COL6A3: variants seen among roughly 807,000 people sequenced by gnomAD.
COL6A3 encodes the protein collagen alpha-3(VI) chain.
A neutral mutation model predicts 274.1 loss-of-function variants in COL6A3; 137 were observed. The ratio of observed to expected loss-of-function variants is 0.50; its 90% confidence interval spans 0.44 to 0.58. The LOEUF is 0.58. COL6A3 is among the 20% of genes least tolerant of loss of function. The probability of loss-of-function intolerance (pLI) is 0.00; values close to 1 mark genes in which losing one functional copy is unlikely to be tolerated. For synonymous variants in COL6A3, 1,650 were observed against 1,650.6 expected (o/e 1.00, Z 0.01); for missense variants, 3,950 against 4,124.9 (o/e 0.96, Z 1.16).
chr2:237,339,072 TCA>T lies in COL6A3; in HGVS notation c.8508_8509del (p.Cys2836Ter), dbSNP rs1559197977. On this transcript the variant is annotated stop_gained and frameshift_variant, in exon 39 of 44. Coordinates refer to ENST00000295550, the MANE Select transcript of COL6A3 (RefSeq NM_004369.4). LOFTEE classifies it high-confidence loss of function. ...TGTGGGTTGGTCCCCTTGGAACCAA[TCA>T]CACTGTTTCCTGATATCTGGGGACA... 1 of 1,614,120 alleles carries T rather than the reference TCA, an allele frequency of 6.2e-7. No individual in the cohort carries two copies. Among genetic ancestry groups the T allele is most frequent in the Admixed American group, 1.7e-5 (1 of 60,020 alleles).
chr2:237,363,113 TG>T, intron 14 of COL6A3, 139 bp downstream of exon 14: 1 of 878,686 alleles, frequency 1.1e-6, no homozygotes, highest in Non-Finnish European at 1.9e-6. Flanking sequence ...AGTTCCCAAG[TG>T]AATTAAATAA....
intron 36 of COL6A3, chr2:237,342,625 T>A (rs2077011308): frequency 6.0e-6 from 1 of 166,394 alleles, no homozygotes. Context: ...GAGTCCTGTC[T>A]ATCGCCGTAC....
At chr2:237,351,000 C>T (rs1223695273) in intron 27 of COL6A3, 130 bp downstream of exon 27, 47 of 854,462 alleles carry the variant, frequency 5.5e-5, no homozygotes, top group Non-Finnish European at 3.6e-5. Flanking sequence ...CCGCGATCAA[C>T]AGGGGAGGCT....
intron 1 of COL6A3, among the ~76,000 whole-genome samples, chr2:237,406,895 TTTC>T (rs1312920434): frequency 6.6e-6 from 1 of 151,262 alleles, no homozygotes; most frequent in East Asian, 1.9e-4. Context: ...TTCACATTTC[TTTC>T]TTTTTTCCCT....
In COL6A3 at chr2:237,371,868, C is replaced by T. The variant is rs1280728320; in HGVS notation, c.4149G>A (p.Leu1383=). The stretch of plus-strand genomic sequence containing the variant: ...TCACCGAGAACACATATTCGGGGCT[C>T]AGCGAGATCTTCACCAGCTCCTCCT... ...ADQEELVKIS[L]SPEYVFSVST... The change falls in exon 9 of 44, where the codon CTG becomes CTA. Residue 1383 remains leucine (L), a synonymous_variant. Transcript: ENST00000295550. This position sits in a 1 kb window ranked among gnomAD's most constrained non-coding sequence, Gnocchi z 4.3. 1.2e-6 allele frequency: 2 copies of T among 1,613,480 alleles called. No homozygotes were observed. Among genetic ancestry groups the T allele is most frequent in the African/African-American group, 2.7e-5 (2 of 74,852 alleles).
chr2:237,362,090 C>G (rs964346484), intron 14 of COL6A3, among the ~76,000 whole-genome samples: 1 of 152,196 alleles, frequency 6.6e-6, no homozygotes, highest in Non-Finnish European at 1.5e-5. Flanking sequence ...TAAAATAGAT[C>G]TTATCCACAA....
At chr2:237,396,983 C>T in intron 1 of COL6A3, 136 bp from the exon 2 acceptor site, 1 of 655,192 alleles carries the variant, frequency 1.5e-6, no homozygotes, top group Non-Finnish European at 2.7e-6. Context: ...TTTGAACCAG[C>T]AGCAAAAGGA....
At chr2:237,333,666 G>T in intron 41 of COL6A3, 118 bp from the exon 42 acceptor site, 2 of 854,624 alleles carry the variant, frequency 2.3e-6, no homozygotes, top group East Asian at 2.6e-5. Context: ...GGGGAGTGGT[G>T]ATTGAAAGAC....
In COL6A3 at chr2:237,324,024, T is replaced by A. The variant is rs1297632628; in HGVS notation, c.*750A>T. 6.6e-6 allele frequency: 1 copy of A among 152,530 alleles called. No individual in the cohort carries two copies. Among genetic ancestry groups the A allele is most frequent in the African/African-American group, 2.4e-5 (1 of 41,406 alleles). The allele number at this position is 152,530 out of a possible 1,614,324, so 9.4% of individuals were successfully genotyped here. On this transcript the variant is annotated 3_prime_UTR_variant, in exon 44 of 44. Transcript: ENST00000295550. ...CAAGAACGTCACACCCAGGAAACTT[T>A]CAATATACTTTATTAAAAAGTTTCT...
chr2:237,351,339 C>G (rs112307296), intron 26 of COL6A3, 147 bp from the exon 27 acceptor site: 1 of 743,012 alleles, frequency 1.3e-6, no homozygotes, highest in Non-Finnish European at 2.4e-6. Flanking sequence ...GCACTCAGCT[C>G]TGAGCACGGG....
At chr2:237,377,645 C>T (rs2077884520) in intron 6 of COL6A3, among the ~76,000 whole-genome samples, 1 of 152,102 alleles carries the variant, frequency 6.6e-6, no homozygotes, top group East Asian at 1.9e-4. Context: ...AGGTGGCAAT[C>T]GCTCCAGGAA....
Position 237,344,110 on chromosome 2 carries a change from C to T in COL6A3, c.7668+240G>A. 1 of 614,274 alleles carries T rather than the reference C, an allele frequency of 1.6e-6. No individual in the cohort carries two copies. The highest frequency in any genetic ancestry group is 2.9e-6 in the Non-Finnish European group (1 of 344,102). 38.1% of individuals were successfully genotyped at this position (614,274 alleles called of 1,614,324 possible). On this transcript the variant is annotated intron_variant, in intron 36 of 43. Transcript: ENST00000295550. This position sits in a 1 kb window ranked among gnomAD's most constrained non-coding sequence, Gnocchi z 4.8. ...CACTAGCATCACTAACCGGCAAGAG[C>T]TGTCAACATGTGAGGAGGGACCTGG...
intron 42 of COL6A3, chr2:237,326,923 T>A (rs1369109521): frequency 6.6e-6 from 1 of 152,310 alleles, no homozygotes; most frequent in Non-Finnish European, 1.5e-5. Context: ...CATTTCCTGG[T>A]TGCTGCTGTC....
intron 1 of COL6A3, among the ~76,000 whole-genome samples, chr2:237,412,765 G>A (rs956840401): frequency 3.3e-5 from 5 of 152,148 alleles, no homozygotes; most frequent in East Asian, 3.9e-4. Flanking sequence ...CACCATCCCC[G>A]TGAGCTCTGA....
At chr2:237,335,359 G>A (rs1052415270) in intron 40 of COL6A3, among the ~76,000 whole-genome samples, 6 of 152,020 alleles carry the variant, frequency 3.9e-5, no homozygotes, top group Admixed American at 1.3e-4. Context: ...TGTGACATTC[G>A]GTAGTGTCTT....
rs1347032592 is a variant in COL6A3 at position 237,378,870 on chromosome 2, A to G, written c.2263T>C (p.Ser755Pro). The G allele has an allele frequency of 2.5e-6, 4 of 1,614,246 alleles. No homozygotes were observed. The South Asian group carries it at 3.3e-5, about 13-fold the overall frequency. ...QLLLLLTAGQ[S>P]EDSYLQAANA... ...GCAGCTTGCAAATAGGAGTCCTCAG[A>G]CTGCCCAGCTGTGAGCAGAAGCAGG... The change falls in exon 6 of 44, where the codon TCT becomes CCT. Residue 755 changes from serine to proline, a missense_variant. Physicochemically the swap from Ser to Pro is moderately conservative, Grantham distance 74. This residue lies in a region of COL6A3 where 1,934 missense variants were observed against 1,984.3 expected (regional missense o/e 0.97). Transcript: ENST00000295550.
At chr2:237,369,343 C>A (rs1168361030) in intron 9 of COL6A3, among the ~76,000 whole-genome samples, 166 bp from the exon 10 acceptor site, 2 of 152,148 alleles carry the variant, frequency 1.3e-5, no homozygotes, top group Non-Finnish European at 2.9e-5. Flanking sequence ...AAAAATTGGA[C>A]CTTTTACACC....
Position 237,338,087 on chromosome 2 carries a change from T to C in COL6A3, c.8567+928A>G, listed in dbSNP as rs541942282. Among the ~76,000 whole-genome samples, 6 of 152,350 alleles carry C rather than the reference T, an allele frequency of 3.9e-5. No homozygotes were observed. In the East Asian group the frequency reaches 1.2e-3, roughly 29 times the overall value. ...CTACCTTCTCTCTGCCCATGCCCTT[T>C]CAATGTAATGTGGCAAGTCCTTCCA... is the stretch of plus-strand genomic sequence containing the variant. On this transcript the variant is annotated intron_variant, in intron 39 of 43. Transcript: ENST00000295550.
At chr2:237,349,474 GAAAA>G (rs914678869) in intron 28 of COL6A3, among the ~76,000 whole-genome samples, 1 of 152,166 alleles carries the variant, frequency 6.6e-6, no homozygotes, top group Non-Finnish European at 1.5e-5. Flanking sequence ...TCAGTTAGTT[GAAAA>G]GACAAAAATG....
Sources: gnomAD v4.1 joint callset for allele counts (sites outside exome capture counted in the v4.1 genomes callset) on GRCh38, gnomAD v4.1.1 for gene constraint, gnomAD v4.1.1 regional missense constraint, Gnocchi (gnomAD v3.1) non-coding constraint, MANE v1.5 for transcripts, NCBI Gene and HGNC (gene_info 2026-07-23, HGNC 2026-07-21) for gene names.